The following CRISPLD2 variants were observed in gnomAD, a reference collection of about 807,000 sequenced individuals.
CRISPLD2 encodes the protein cysteine-rich secretory protein LCCL domain-containing 2.
CRISPLD2 carries 47 observed loss-of-function variants against 71.1 expected under a neutral mutation model. That is an observed-to-expected ratio of 0.66 (90% confidence interval 0.52 to 0.84). The LOEUF is 0.84. Ranked by LOEUF, CRISPLD2 falls within the 40% of genes least tolerant of loss-of-function variation. The pLI, the probability that CRISPLD2 is intolerant of heterozygous loss-of-function variation, is 0.00. For missense variants in CRISPLD2, 830 were observed against 651.1 expected, an observed-to-expected ratio of 1.27 and a Z score of -2.99; for synonymous variants, 317 against 250.1, an observed-to-expected ratio of 1.27 and a Z score of -2.52.
intron 14 of CRISPLD2, among the ~76,000 whole-genome samples, chr16:84,893,971 C>T (rs901813755): frequency 6.6e-6 from 1 of 152,210 alleles, no homozygotes; most frequent in African/African-American, 2.4e-5. Flanking sequence ...GACCAGTTCA[C>T]AGCAAACTGT....
intron 14 of CRISPLD2, among the ~76,000 whole-genome samples, chr16:84,898,920 C>G (rs2071729650): frequency 6.6e-6 from 1 of 152,138 alleles, no homozygotes; most frequent in Non-Finnish European, 1.5e-5. Flanking sequence ...TGTGACTGCA[C>G]CGTTGTACTC....
At chr16:84,874,313 T>A (rs1260994728) in intron 11 of CRISPLD2, among the ~76,000 whole-genome samples, 1 of 152,226 alleles carries the variant, frequency 6.6e-6, no homozygotes, top group African/African-American at 2.4e-5. Context: ...AGAAGGATTC[T>A]GAGGCCTCCA....
At position 84,880,571 on chromosome 16, in the gene CRISPLD2, A is replaced by C. The variant is rs139975503; in HGVS notation, c.1292A>C (p.Asn431Thr). ...PSYWAPVFGT[N>T]IYADTSSICK... ...TACTGGGCTCCGGTGTTTGGAACCA[A>C]CATCTATGCAGATGTGAGTAGGATG... Residue 431 changes from asparagine (N) to threonine (T), a missense_variant, in exon 13 of 15, where the codon AAC becomes ACC. By Grantham distance (65) the Asn-to-Thr change is moderately conservative. Transcript: ENST00000262424. 1 of 1,613,710 alleles carries C rather than the reference A, an allele frequency of 6.2e-7. No homozygotes were observed. Among genetic ancestry groups the C allele is most frequent in the Non-Finnish European group, 8.5e-7 (1 of 1,179,832 alleles).
intron 11 of CRISPLD2, among the ~76,000 whole-genome samples, chr16:84,876,533 C>T (rs2071519850): frequency 6.7e-6 from 1 of 150,254 alleles, no homozygotes; most frequent in South Asian, 2.1e-4. Context: ...TGGTTTCCAC[C>T]TGTAATCTTA....
In CRISPLD2 at chr16:84,875,055, A is replaced by G. The variant is rs140003938; in HGVS notation, c.1156+1092A>G. Among the ~76,000 whole-genome samples, 776 of 152,248 alleles carry G rather than the reference A, an allele frequency of 5.1e-3. 8 individuals carry two copies. Among genetic ancestry groups the G allele is most frequent in the African/African-American group, 0.018 (748 of 41,536 alleles). ...CAGGAGTTTGAGACCAGCCCTGGCAACACAGCAAGACCCTGTCTCTGCAAA... is the reference window on the plus strand; with the variant it reads ...CAGGAGTTTGAGACCAGCCCTGGCAGCACAGCAAGACCCTGTCTCTGCAAA... On this transcript the variant is annotated intron_variant, in intron 11 of 14. Transcript: ENST00000262424.
At chr16:84,844,810 C>G (rs963983735) in intron 2 of CRISPLD2, among the ~76,000 whole-genome samples, 1 of 152,228 alleles carries the variant, frequency 6.6e-6, no homozygotes, top group East Asian at 1.9e-4. Flanking sequence ...GCCTGTGTGT[C>G]GCTGACGTGG....
rs1033244890 is a variant in CRISPLD2 at position 84,906,685 on chromosome 16, C to T, written c.*43C>T. 5.6e-6 allele frequency: 9 copies of T among 1,606,970 alleles called. No homozygotes were observed. The highest frequency in any genetic ancestry group is 2.2e-5 in the East Asian group (1 of 44,852). On this transcript the variant is annotated 3_prime_UTR_variant, in exon 15 of 15. Transcript: ENST00000262424. ...AGAAGGGGCGTCTTCAGGAGGGCTT[C>T]GGGGTTTTGCTTTTATTTTTATTTT...
intron 13 of CRISPLD2, among the ~76,000 whole-genome samples, chr16:84,885,747 T>A (rs1468461976): frequency 6.6e-6 from 1 of 152,144 alleles, no homozygotes; most frequent in Non-Finnish European, 1.5e-5. Context: ...GCTCCACTTT[T>A]CTCTTTTGTT....
chr16:84,878,976 G>C (rs1287501953), intron 12 of CRISPLD2, among the ~76,000 whole-genome samples: 1 of 152,174 alleles, frequency 6.6e-6, no homozygotes, highest in Non-Finnish European at 1.5e-5. Flanking sequence ...TGGCCCTCAT[G>C]AGCCCTCATC....
intron 1 of CRISPLD2, among the ~76,000 whole-genome samples, chr16:84,837,228 G>T (rs879616845): frequency 6.6e-5 from 10 of 152,216 alleles, no homozygotes; most frequent in African/African-American, 1.4e-4. Flanking sequence ...GGCAAGCCAG[G>T]AGGAGGAGGT....
At chr16:84,822,160 C>T (rs1048539824) in intron 1 of CRISPLD2, among the ~76,000 whole-genome samples, 1 of 152,222 alleles carries the variant, frequency 6.6e-6, no homozygotes, top group South Asian at 2.1e-4. Flanking sequence ...TGGGCTTGGG[C>T]TCAACATTGC....
At chr16:84,848,483 A>G (rs1391344156) in intron 3 of CRISPLD2, among the ~76,000 whole-genome samples, 1 of 149,448 alleles carries the variant, frequency 6.7e-6, no homozygotes, top group African/African-American at 2.4e-5. Context: ...AATGGTGCCA[A>G]CCTTGGCAGC....
In CRISPLD2 at chr16:84,849,444, AC is replaced by A; in HGVS notation, c.423del (p.Tyr142ThrfsTer24). 1 of 1,613,910 alleles carries A rather than the reference AC, an allele frequency of 6.2e-7. No individual in the cohort carries two copies. The highest frequency in any genetic ancestry group is 8.5e-7 in the Non-Finnish European group (1 of 1,179,860). Reference protein sequence around the residue: ...SWYDEVKDYTYPYPSECNPWC... With the variant: ...SWYDEVKDYTXPYPSECNPWC... ...TATGACGAGGTGAAGGACTACACCTACCCCTACCCGAGCGAGTGCAACCCCT... is the reference window on the plus strand; with the variant it reads ...TATGACGAGGTGAAGGACTACACCTACCCTACCCGAGCGAGTGCAACCCCT... On this transcript the variant is annotated frameshift_variant, in exon 4 of 15. Coordinates refer to ENST00000262424, the MANE Select transcript of CRISPLD2 (RefSeq NM_031476.4). LOFTEE classifies it high-confidence loss of function.
intron 14 of CRISPLD2, among the ~76,000 whole-genome samples, chr16:84,892,868 C>T (rs558751282): frequency 5.4e-5 from 8 of 148,928 alleles, no homozygotes; most frequent in Admixed American, 1.4e-4. Context: ...GCCAGCTACT[C>T]GGGAGGCTGA....
intron 1 of CRISPLD2, among the ~76,000 whole-genome samples, chr16:84,829,514 G>C (rs1916435033): frequency 6.6e-6 from 1 of 152,142 alleles, no homozygotes. Flanking sequence ...GCTCAGATCT[G>C]AGTTCTCCTT....
intron 6 of CRISPLD2, among the ~76,000 whole-genome samples, chr16:84,859,225 T>C (rs1462869770): frequency 6.6e-6 from 1 of 152,146 alleles, no homozygotes; most frequent in Non-Finnish European, 1.5e-5. Context: ...ATTCTGACAC[T>C]GGGGAAGTGA....
intron 14 of CRISPLD2, among the ~76,000 whole-genome samples, chr16:84,890,624 G>A (rs1023093684): frequency 7.2e-5 from 11 of 151,834 alleles, no homozygotes; most frequent in African/African-American, 2.2e-4. Flanking sequence ...GAAGTGGGCC[G>A]GGTGTGATGA....
At chr16:84,884,209 C>G (rs2071592296) in intron 13 of CRISPLD2, among the ~76,000 whole-genome samples, 1 of 152,180 alleles carries the variant, frequency 6.6e-6, no homozygotes, top group South Asian at 2.1e-4. Context: ...GGACAGTGGA[C>G]AGATTGCTGG....
rs543816847 is a variant in CRISPLD2, at chr16:84,850,708, T to C, written c.608+25T>C. On this transcript the variant is annotated intron_variant, in intron 5 of 14. Transcript: ENST00000262424. ...AGTAAGACAAGTTGATGCCGTTGTA[T>C]GGGGTGGGGGTTGGGATGTGTTTGC... is the stretch of plus-strand genomic sequence containing the variant. 2.8e-4 allele frequency: 441 copies of C among 1,584,154 alleles called. 5 individuals carry two copies. In the South Asian group the frequency reaches 4.6e-3, roughly 16 times the overall value.
Sources: allele counts gnomAD v4.1 joint callset (sites outside exome capture counted in the v4.1 genomes callset), GRCh38; gene constraint gnomAD v4.1.1; transcripts MANE v1.5; gene names NCBI Gene and HGNC (gene_info 2026-07-23, HGNC 2026-07-21).